The following CDH12 variants were observed in gnomAD, a reference collection of about 807,000 sequenced individuals.
CDH12 encodes the protein cadherin 12, also known as cadherin-12.
CDH12 carries 41 observed loss-of-function variants against 74.1 expected under a neutral mutation model. That is an observed-to-expected ratio of 0.55 (90% confidence interval 0.43 to 0.72). The LOEUF (loss-of-function observed/expected upper bound fraction) is 0.72. Ranked by LOEUF, CDH12 falls within the 30% of genes least tolerant of loss-of-function variation. CDH12 has a pLI of 0.00. For missense variants in CDH12, 945 were observed against 977.2 expected (o/e 0.97, Z 0.44); for synonymous variants, 399 against 355.0 (o/e 1.12, Z -1.39).
intron 3 of CDH12, among the ~76,000 whole-genome samples, chr5:22,392,823 T>G (rs1488091086): frequency 6.6e-6 from 1 of 152,038 alleles, no homozygotes; most frequent in Non-Finnish European, 1.5e-5. Context: ...ATAGATAGAG[T>G]ATAGTGGAGA....
intron 1 of CDH12, among the ~76,000 whole-genome samples, chr5:22,540,220 C>CAT (rs775417673): frequency 5.3e-5 from 8 of 151,844 alleles, no homozygotes; most frequent in African/African-American, 1.4e-4. Context: ...ATGTCAGATA[C>CAT]ATATATATAT....
At chr5:22,028,925 T>A (rs1331819156) in intron 5 of CDH12, among the ~76,000 whole-genome samples, 2 of 152,028 alleles carry the variant, frequency 1.3e-5, no homozygotes, top group Non-Finnish European at 2.9e-5. Context: ...TATAGATCAA[T>A]GGAACAGAAC....
intron 4 of CDH12, among the ~76,000 whole-genome samples, chr5:22,121,473 C>A (rs1248857412): frequency 6.6e-6 from 1 of 152,158 alleles, no homozygotes; most frequent in South Asian, 2.1e-4. Context: ...CTGCCTAATA[C>A]GTCATGAATG....
At chr5:21,795,474 C>T (rs527896953) in intron 10 of CDH12, among the ~76,000 whole-genome samples, 5 of 151,830 alleles carry the variant, frequency 3.3e-5, no homozygotes, top group South Asian at 2.1e-4. Context: ...TATCCACTTG[C>T]GCTAGGCAAT....
At chr5:22,267,499 C>T (rs1283258338) in intron 3 of CDH12, among the ~76,000 whole-genome samples, 1 of 152,124 alleles carries the variant, frequency 6.6e-6, no homozygotes, top group African/African-American at 2.4e-5. Flanking sequence ...TATCTCATTG[C>T]AGACATTTTG....
chr5:22,398,339 C>T (rs1742553675), intron 3 of CDH12, among the ~76,000 whole-genome samples: 1 of 152,046 alleles, frequency 6.6e-6, no homozygotes, highest in Non-Finnish European at 1.5e-5. Flanking sequence ...ACAATGGAAG[C>T]CCCACTGGGT....
At chr5:21,845,974 G>A (rs910265419) in intron 7 of CDH12, among the ~76,000 whole-genome samples, 3 of 152,106 alleles carry the variant, frequency 2.0e-5, no homozygotes, top group Admixed American at 6.6e-5. Context: ...GCAGCTGTGC[G>A]GAGAGAAAAG....
At chr5:21,960,115 T>C (rs1756289679) in intron 6 of CDH12, among the ~76,000 whole-genome samples, 1 of 151,914 alleles carries the variant, frequency 6.6e-6, no homozygotes, top group Non-Finnish European at 1.5e-5. Context: ...CCACTGACAG[T>C]CATAGACAGA....
chr5:22,051,348 C>G (rs1371077356), intron 5 of CDH12, among the ~76,000 whole-genome samples: 1 of 152,090 alleles, frequency 6.6e-6, no homozygotes, highest in Admixed American at 6.6e-5. Flanking sequence ...CCAAATAATA[C>G]TTTCTTTATT....
intron 1 of CDH12, among the ~76,000 whole-genome samples, chr5:22,596,117 A>T (rs1317871284): frequency 2.0e-5 from 3 of 149,574 alleles, no homozygotes; most frequent in Non-Finnish European, 4.5e-5. Context: ...CAAAAAAAAT[A>T]AAAAAATAAA....
At chr5:22,572,758 T>C (rs1247564159) in intron 1 of CDH12, among the ~76,000 whole-genome samples, 1 of 152,208 alleles carries the variant, frequency 6.6e-6, no homozygotes, top group East Asian at 1.9e-4. Context: ...ACCTCACTTA[T>C]TCTGAAAGAA....
intron 1 of CDH12, among the ~76,000 whole-genome samples, chr5:22,764,191 G>A: frequency 6.6e-6 from 1 of 151,770 alleles, no homozygotes; most frequent in South Asian, 2.1e-4. Flanking sequence ...TTTACCTCAG[G>A]TTTTTGCACT....
chr5:22,100,652 GACACACACACAC>G (rs150777646), intron 4 of CDH12, among the ~76,000 whole-genome samples: 4 of 144,342 alleles, frequency 2.8e-5, no homozygotes, highest in Middle Eastern at 3.6e-3. Flanking sequence ...CCATACATTA[GACACACACACAC>G]ACACACACAC....
At chr5:22,088,586 A>G (rs1168307542) in intron 4 of CDH12, among the ~76,000 whole-genome samples, 1 of 152,184 alleles carries the variant, frequency 6.6e-6, no homozygotes, top group African/African-American at 2.4e-5. Context: ...TTGCATTGGT[A>G]TAGACATTCC....
At chr5:22,720,086 T>C (rs1267827662) in intron 1 of CDH12, among the ~76,000 whole-genome samples, 1 of 151,988 alleles carries the variant, frequency 6.6e-6, no homozygotes, top group East Asian at 1.9e-4. Context: ...GAAAATATCT[T>C]TGTGACACTG....
chr5:21,784,523 A>G (rs2149899347), intron 10 of CDH12, among the ~76,000 whole-genome samples: 1 of 152,232 alleles, frequency 6.6e-6, no homozygotes, highest in African/African-American at 2.4e-5. Context: ...TTCCCATATA[A>G]TTATTATTAC....
chr5:22,308,908 G>A, intron 3 of CDH12, among the ~76,000 whole-genome samples: 1 of 25,446 alleles, frequency 3.9e-5, no homozygotes. Context: ...GGAGAGAGAG[G>A]AGAGAGAGAG....
chr5:22,852,746 G>A (rs901584924), intron 1 of CDH12, among the ~76,000 whole-genome samples: 8 of 152,166 alleles, frequency 5.3e-5, no homozygotes, highest in African/African-American at 1.9e-4. Flanking sequence ...TGGACATCTA[G>A]CACACCTACT....
intron 4 of CDH12, among the ~76,000 whole-genome samples, chr5:22,210,470 A>T (rs537176615): frequency 3.2e-4 from 48 of 150,038 alleles, no homozygotes; most frequent in African/African-American, 1.1e-3. Flanking sequence ...TCCTTTAAGC[A>T]ATTGCATTTT....
Sources: allele counts gnomAD v4.1 joint callset (sites outside exome capture counted in the v4.1 genomes callset), GRCh38; gene constraint gnomAD v4.1.1; transcripts MANE v1.5; gene names NCBI Gene and HGNC (gene_info 2026-07-23, HGNC 2026-07-21).